Variants in LRRC7 observed in about 807,000 individuals in gnomAD.
LRRC7 encodes the protein leucine rich repeat containing 7.
Under a neutral mutation model 175.7 loss-of-function variants are expected in LRRC7, and 23 were observed. The ratio of observed to expected loss-of-function variants is 0.13; its 90% confidence interval spans 0.09 to 0.19. The LOEUF (loss-of-function observed/expected upper bound fraction) is 0.19. LRRC7 is among the 10% of genes least tolerant of loss of function. LRRC7 has a pLI of 1.00. For synonymous variants in LRRC7, 685 were observed against 680.9 expected (o/e 1.01, Z -0.09); for missense variants, 1,354 against 1,904.7 (o/e 0.71, Z 5.38).
At chr1:69,673,982 A>G (rs1659449633) in intron 1 of LRRC7, among the ~76,000 whole-genome samples, 1 of 151,954 alleles carries the variant, frequency 6.6e-6, no homozygotes, top group Non-Finnish European at 1.5e-5. Flanking sequence ...TTGAATATAA[A>G]TATCATATTT....
At chr1:69,926,844 G>C (rs2101755318) in intron 7 of LRRC7, among the ~76,000 whole-genome samples, 1 of 152,310 alleles carries the variant, frequency 6.6e-6, no homozygotes, top group Non-Finnish European at 1.5e-5. Flanking sequence ...ATTTGATCCT[G>C]TCGTTATGCT....
At position 70,137,430 on chromosome 1, in the gene LRRC7, C is replaced by T. The variant is rs1245478986; in HGVS notation, c.*15543C>T. Among the ~76,000 whole-genome samples, 1 of 152,152 alleles carries T rather than the reference C, an allele frequency of 6.6e-6. No homozygotes were observed. Among genetic ancestry groups the T allele is most frequent in the Non-Finnish European group, 1.5e-5 (1 of 68,010 alleles). ...GACCCTTGAAAGCTTTAAAATAATTCTTTTGTGTTTTAGACACCTAAGAAA... is the reference window on the plus strand; with the variant it reads ...GACCCTTGAAAGCTTTAAAATAATTTTTTTGTGTTTTAGACACCTAAGAAA... On this transcript the variant is annotated 3_prime_UTR_variant, in exon 27 of 27. Coordinates refer to ENST00000651989, the MANE Select transcript of LRRC7 (RefSeq NM_001370785.2).
rs1462915803 is a variant in LRRC7, at chr1:70,039,695, A to C, written c.3871A>C (p.Arg1291=). The change falls in exon 21 of 27, where the codon AGG becomes CGG. Residue 1291 remains arginine (R), a synonymous_variant. Coordinates refer to ENST00000651989, the MANE Select transcript of LRRC7 (RefSeq NM_001370785.2). The part of the protein sequence containing the change: ...KPSDNSDLKT[R]PTPVKGEESC... ...ATCAGATAACAGTGATTTAAAGACG[A>C]GGCCTACTCCTGTGAAGGGAGAGGA... 6.2e-7 allele frequency: 1 copy of C among 1,614,134 alleles called. No individual in the cohort carries two copies.
At chr1:70,097,258 C>A (rs1269450138) in intron 25 of LRRC7, among the ~76,000 whole-genome samples, 2 of 152,132 alleles carry the variant, frequency 1.3e-5, no homozygotes, top group Non-Finnish European at 2.9e-5. Flanking sequence ...TTGCCCCCAG[C>A]CTTTCTGACT....
At position 69,616,227 on chromosome 1, in the gene LRRC7, C is replaced by T. The variant is rs566650494; in HGVS notation, c.2+47586C>T. Among the ~76,000 whole-genome samples, 16 of 151,994 alleles carry T rather than the reference C, an allele frequency of 1.1e-4. 1 individual carries two copies. Among genetic ancestry groups the T allele is most frequent in the South Asian group, 1.0e-3 (5 of 4,814 alleles). On this transcript the variant is annotated intron_variant, in intron 1 of 26. Transcript: ENST00000651989. Reference sequence around the variant, plus strand: ...AATAAAATTTAATGTCAATTTTAAACGTCTGGGAAGTTAATTTTTCATTGG... The same window carrying T: ...AATAAAATTTAATGTCAATTTTAAATGTCTGGGAAGTTAATTTTTCATTGG...
At chr1:69,679,403 A>G (rs1170605165) in intron 2 of LRRC7, among the ~76,000 whole-genome samples, 1 of 152,086 alleles carries the variant, frequency 6.6e-6, no homozygotes, top group African/African-American at 2.4e-5. Context: ...CTGGGTAAAG[A>G]CCAACTATAT....
intron 8 of LRRC7, among the ~76,000 whole-genome samples, chr1:69,964,505 T>C (rs1410897723): frequency 6.6e-6 from 1 of 152,182 alleles, no homozygotes; most frequent in Non-Finnish European, 1.5e-5. Flanking sequence ...TAAAAACACT[T>C]AGAAAAGTGC....
intron 18 of LRRC7, among the ~76,000 whole-genome samples, 153 bp from the exon 19 acceptor site, chr1:70,035,968 A>C (rs1399151082): frequency 2.0e-5 from 3 of 152,234 alleles, no homozygotes; most frequent in Non-Finnish European, 4.4e-5. Flanking sequence ...TGCTTAACTC[A>C]GAGATACATA....
intron 1 of LRRC7, among the ~76,000 whole-genome samples, chr1:69,637,368 C>G (rs1192173366): frequency 2.6e-5 from 4 of 151,762 alleles, no homozygotes; most frequent in Non-Finnish European, 5.9e-5. Flanking sequence ...ATAATTTTGT[C>G]CTAAGTCTTG....
chr1:69,775,943 C>G (rs1038917539), intron 3 of LRRC7, among the ~76,000 whole-genome samples: 4 of 152,040 alleles, frequency 2.6e-5, no homozygotes, highest in Admixed American at 2.0e-4. Context: ...GTAAGCTCAC[C>G]CTTATTGCCT....
chr1:69,693,220 T>G (rs1179481850), intron 2 of LRRC7, among the ~76,000 whole-genome samples: 2 of 152,168 alleles, frequency 1.3e-5, no homozygotes, highest in African/African-American at 4.8e-5. Flanking sequence ...AGATTAGATA[T>G]AGATATAGAT....
Position 69,574,954 on chromosome 1 carries a change from G to A in LRRC7, c.2+6313G>A, listed in dbSNP as rs150649353. Among the ~76,000 whole-genome samples the A allele has an allele frequency of 1.5e-3, 226 of 152,166 alleles. 1 individual carries two copies. The highest frequency in any genetic ancestry group is 5.0e-3 in the African/African-American group (209 of 41,530). ...CTTAGAGTGAGTGTTAAATATTAGC[G>A]AAGTCCTTAGGCTAATATCGTATTG... On this transcript the variant is annotated intron_variant, in intron 1 of 26. Transcript: ENST00000651989.
intron 24 of LRRC7, among the ~76,000 whole-genome samples, chr1:70,078,667 G>A (rs941294069): frequency 2.0e-5 from 3 of 152,080 alleles, no homozygotes; most frequent in Non-Finnish European, 2.9e-5. Flanking sequence ...TTAGCCACTT[G>A]TCCTTGGCCA....
chr1:70,037,280 A>G (rs1659405386), intron 20 of LRRC7, among the ~76,000 whole-genome samples: 2 of 152,218 alleles, frequency 1.3e-5, no homozygotes, highest in African/African-American at 4.8e-5. Context: ...ACTTTTACTC[A>G]TATTTTACTG....
At chr1:69,822,320 C>A (rs749637655) in intron 4 of LRRC7, among the ~76,000 whole-genome samples, 11 of 152,172 alleles carry the variant, frequency 7.2e-5, no homozygotes, top group Non-Finnish European at 1.5e-4. Context: ...CACTCTCTGT[C>A]AGGCACATGA....
rs1004018624 is a variant in LRRC7 at position 70,132,886 on chromosome 1, C to T, written c.*10999C>T. On this transcript the variant is annotated 3_prime_UTR_variant, in exon 27 of 27. Transcript: ENST00000651989. Reference sequence around the variant, plus strand: ...AGACAGAAAGGGACCTTGAGAGGATCTGGTTCATTTGTCTATCTTCAGGGA... The same window carrying T: ...AGACAGAAAGGGACCTTGAGAGGATTTGGTTCATTTGTCTATCTTCAGGGA... 6.6e-6 allele frequency among the ~76,000 whole-genome samples: 1 copy of T among 152,140 alleles called. No individual in the cohort carries two copies. Among genetic ancestry groups the T allele is most frequent in the Non-Finnish European group, 1.5e-5 (1 of 68,028 alleles).
chr1:69,798,647 TTA>T (rs1302062434), intron 4 of LRRC7, among the ~76,000 whole-genome samples: 4 of 152,186 alleles, frequency 2.6e-5, no homozygotes, highest in Admixed American at 6.5e-5. Flanking sequence ...TTTAGGGGTT[TTA>T]TTAGTAAATA....
intron 4 of LRRC7, among the ~76,000 whole-genome samples, chr1:69,808,457 A>G (rs1205320041): frequency 6.6e-6 from 1 of 152,086 alleles, no homozygotes; most frequent in Non-Finnish European, 1.5e-5. Flanking sequence ...AACAGAATAT[A>G]CATTCTTCTC....
intron 3 of LRRC7, among the ~76,000 whole-genome samples, chr1:69,763,752 G>A (rs750128209): frequency 2.0e-5 from 3 of 151,942 alleles, no homozygotes; most frequent in Non-Finnish European, 4.4e-5. Flanking sequence ...GCTCTTTAAG[G>A]ATTTAAATCT....
Sources: gnomAD v4.1 joint callset for allele counts (sites outside exome capture counted in the v4.1 genomes callset) on GRCh38, gnomAD v4.1.1 for gene constraint, MANE v1.5 for transcripts, NCBI Gene and HGNC (gene_info 2026-07-23, HGNC 2026-07-21) for gene names.